The following SARAF variants were observed in gnomAD, a reference collection of about 807,000 sequenced individuals.
SARAF encodes the protein store-operated calcium entry-associated regulatory factor.
A neutral mutation model predicts 39.7 loss-of-function variants in SARAF; 23 were observed. That is an observed-to-expected ratio of 0.58 (90% CI 0.42 to 0.82). The LOEUF (loss-of-function observed/expected upper bound fraction) is 0.82, where lower values mean the gene tolerates loss of function less well. Ranked by LOEUF, SARAF falls within the 40% of genes least tolerant of loss-of-function variation. SARAF has a pLI of 0.00. For synonymous variants in SARAF, 175 were observed against 168.5 expected, an observed-to-expected ratio of 1.04 and a Z score of -0.30; for missense variants, 384 against 418.5, an observed-to-expected ratio of 0.92 and a Z score of 0.72.
At chr8:30,064,561 A>ATATATATATATATATATATATTTTTTTT (rs1423689069) in intron 5 of SARAF, among the ~76,000 whole-genome samples, 1 of 46,228 alleles carries the variant, frequency 2.2e-5, no homozygotes, top group Non-Finnish European at 3.4e-5. Context: ...ATATATATAT[A>ATATATATATATATATATATATTTTTTTT]TTTTTTTTTT....
intron 1 of SARAF, among the ~76,000 whole-genome samples, chr8:30,078,601 T>A (rs1802027986): frequency 6.6e-6 from 1 of 152,222 alleles, no homozygotes; most frequent in Non-Finnish European, 1.5e-5. Context: ...ATCGCTTTGC[T>A]AATGGTGGAA....
At position 30,069,749 on chromosome 8, in the gene SARAF, T is replaced by C. The variant is rs369513833; in HGVS notation, c.593A>G (p.Gln198Arg). 47 of 1,613,994 alleles carry C rather than the reference T, an allele frequency of 2.9e-5. No homozygotes were observed. Among genetic ancestry groups the C allele is most frequent in the Non-Finnish European group, 3.6e-5 (43 of 1,179,994 alleles). Residue 198 changes from glutamine (Q) to arginine (R), a missense_variant, in exon 3 of 6, where the codon CAG becomes CGG. Coordinates refer to ENST00000256255, the MANE Select transcript of SARAF (RefSeq NM_016127.6). ...VVYKLFLSDG[Q>R]YSPPPYSEYP... ...CTCAGAGTACGGTGGAGGAGAATAC[T>C]GCCCGTCACTCAGGAACAGCTTATA...
Position 30,063,659 on chromosome 8 carries a change from T to G in SARAF, c.*229A>C. On this transcript the variant is annotated 3_prime_UTR_variant, in exon 6 of 6. Transcript: ENST00000256255. ...CACAGTAATGATCACTTTCAAAAAC[T>G]GCAATATACATCTGCATGTTACACT... The G allele has an allele frequency of 1.8e-6, 1 of 554,722 alleles. No individual in the cohort carries two copies. The highest frequency in any genetic ancestry group is 2.4e-5 in the South Asian group (1 of 41,784). The allele number at this position is 554,722 out of a possible 1,614,324, so 34.4% of individuals were successfully genotyped here. A position where few individuals can be genotyped will look rare whatever the true frequency, so the allele number is the denominator to read the frequency against.
chr8:30,078,180 GAAAAAAA>G, intron 1 of SARAF: 1 of 285,420 alleles, frequency 3.5e-6, no homozygotes, highest in Non-Finnish European at 6.6e-6. Context: ...ACAGTAGGAG[GAAAAAAA>G]AAAAAAAGAA....
At chr8:30,064,103 A>G (rs1585430476) in intron 5 of SARAF, among the ~76,000 whole-genome samples, 190 bp from the exon 6 acceptor site, 2 of 152,128 alleles carry the variant, frequency 1.3e-5, no homozygotes. Flanking sequence ...CCCAATCATC[A>G]AGCCTACTAC....
At chr8:30,069,257 A>G (rs1801771814) in intron 3 of SARAF, among the ~76,000 whole-genome samples, 2 of 146,848 alleles carry the variant, frequency 1.4e-5, no homozygotes, top group Non-Finnish European at 3.0e-5. Context: ...CTCATGCCTC[A>G]GTCTCCCAAG....
chr8:30,073,680 G>C (rs1349702756), intron 2 of SARAF, 197 bp downstream of exon 2: 2 of 484,088 alleles, frequency 4.1e-6, no homozygotes, highest in Non-Finnish European at 7.2e-6. Flanking sequence ...ACTAAAATGA[G>C]TATTTTCAGG....
rs1044209894 is a variant in SARAF, at chr8:30,083,021, C to CGCTGCGCA, written c.-80_-73dup. 7 of 1,167,504 alleles carry CGCTGCGCA rather than the reference C, an allele frequency of 6.0e-6. No individual in the cohort carries two copies. 72.3% of individuals were successfully genotyped at this position (1,167,504 alleles called of 1,614,324 possible). On this transcript the variant is annotated 5_prime_UTR_variant, in exon 1 of 6. Transcript: ENST00000256255. ...AACCTGGGTGCGGTAGCGCGCGCGA[C>CGCTGCGCA]GCTGCGCAGCTACACCGCTACCCCT...
chr8:30,073,792 C>A, intron 2 of SARAF, 85 bp downstream of exon 2: 2 of 1,212,322 alleles, frequency 1.6e-6, no homozygotes, highest in Non-Finnish European at 1.2e-6. Context: ...CGTAGGTGCA[C>A]CCTCAAAAGA....
Position 30,066,010 on chromosome 8 carries a change from G to T in SARAF, c.972C>A (p.Asp324Glu), listed in dbSNP as rs1393430556. The T allele has an allele frequency of 6.2e-7, 1 of 1,614,094 alleles. No individual in the cohort carries two copies. Among genetic ancestry groups the T allele is most frequent in the Admixed American group, 1.7e-5 (1 of 60,018 alleles). The change falls in exon 5 of 6, where the codon GAC becomes GAA. Residue 324 changes from aspartate to glutamate, a missense_variant. Coordinates refer to ENST00000256255, the MANE Select transcript of SARAF (RefSeq NM_016127.6). ...SGSYSVCSNS[D>E]TKTRTASGYG... ...TACCTGATGCAGTTCTGGTTTTCGT[G>T]TCTGAGTTTGAACATACCGAATAGC...
chr8:30,083,166 C>T, upstream of SARAF: 2 of 465,194 alleles, frequency 4.3e-6, no homozygotes, highest in Non-Finnish European at 3.8e-6. Flanking sequence ...TGGGCCCCCG[C>T]CCCTGGAGCA....
chr8:30,064,263 C>A (rs921479884), intron 5 of SARAF, among the ~76,000 whole-genome samples: 2 of 152,134 alleles, frequency 1.3e-5, no homozygotes, highest in African/African-American at 4.8e-5. Context: ...CTACCTCTCA[C>A]AACTCCAGTG....
intron 1 of SARAF, among the ~76,000 whole-genome samples, chr8:30,076,995 A>G (rs928226263): frequency 6.6e-6 from 1 of 152,250 alleles, no homozygotes; most frequent in Non-Finnish European, 1.5e-5. Flanking sequence ...AGGAAGCAGG[A>G]GGAAAAAAGA....
At chr8:30,069,429 C>T (rs532534820) in intron 3 of SARAF, among the ~76,000 whole-genome samples, 2 of 152,142 alleles carry the variant, frequency 1.3e-5, no homozygotes, top group South Asian at 2.1e-4. Context: ...CGTGAGCCAC[C>T]GCGCCCGGCC....
At position 30,082,956 on chromosome 8, in the gene SARAF, C is replaced by T; in HGVS notation, c.-7G>A. On this transcript the variant is annotated 5_prime_UTR_variant, in exon 1 of 6. Coordinates refer to ENST00000256255, the MANE Select transcript of SARAF (RefSeq NM_016127.6). ...GCCCGCAGGCTGCGGCCATGGCGCT[C>T]GATGAAGATGGCGCCGGGCTGCCAG... The T allele has an allele frequency of 6.5e-7, 1 of 1,539,510 alleles. No individual in the cohort carries two copies. The highest frequency in any genetic ancestry group is 8.7e-7 in the Non-Finnish European group (1 of 1,143,246).
At chr8:30,079,559 ATAAAT>A (rs1163039666) in intron 1 of SARAF, among the ~76,000 whole-genome samples, 1 of 152,258 alleles carries the variant, frequency 6.6e-6, no homozygotes, top group African/African-American at 2.4e-5. Context: ...AACAGAAATA[ATAAAT>A]TGAATTTATT....
At chr8:30,078,242 A>C (rs776534738) in intron 1 of SARAF, 1 of 453,214 alleles carries the variant, frequency 2.2e-6, no homozygotes, top group African/African-American at 2.0e-5. Flanking sequence ...AAGTCCAAAA[A>C]TCCAACAAGG....
At position 30,066,777 on chromosome 8, in the gene SARAF, C is replaced by T. The variant is rs150321308; in HGVS notation, c.842G>A (p.Arg281Lys). The T allele has an allele frequency of 2.5e-6, 4 of 1,614,036 alleles. No homozygotes were observed. Among genetic ancestry groups the T allele is most frequent in the African/African-American group, 2.7e-5 (2 of 75,024 alleles). ...AGTGAGATCAATGCAAAAAGCTTAC[C>T]TATTGCTGCCAAACAAATATCCTAG... is the stretch of plus-strand genomic sequence containing the variant. Reference protein sequence around the residue: ...GILGYLFGSNRAATPFSDSWY... With the variant: ...GILGYLFGSNKAATPFSDSWY... Residue 281 changes from arginine (R) to lysine (K), a missense_variant and splice_region_variant, in exon 4 of 6, where the codon AGA becomes AAA. Arg to Lys is a conservative substitution (Grantham distance 26). Coordinates refer to ENST00000256255, the MANE Select transcript of SARAF (RefSeq NM_016127.6).
At chr8:30,064,044 G>C (rs1416529405) in intron 5 of SARAF, 131 bp from the exon 6 acceptor site, 3 of 770,630 alleles carry the variant, frequency 3.9e-6, no homozygotes, top group East Asian at 2.6e-5. Context: ...TGTGCCACTA[G>C]GTGGAACTGG....
Sources: gnomAD v4.1 joint callset for allele counts (sites outside exome capture counted in the v4.1 genomes callset) on GRCh38, gnomAD v4.1.1 for gene constraint, MANE v1.5 for transcripts, NCBI Gene and HGNC (gene_info 2026-07-23, HGNC 2026-07-21) for gene names.